N4BP1: variants seen among roughly 807,000 people sequenced by gnomAD.
The protein encoded by N4BP1 is NEDD4 binding protein 1.
In N4BP1, 21 loss-of-function variants were observed where a neutral mutation model predicts 70.9. That is an observed-to-expected ratio of 0.30 (90% CI 0.21 to 0.43). N4BP1 has a LOEUF of 0.43. N4BP1 is among the 20% of genes least tolerant of loss of function. The pLI is 1.00. For missense variants in N4BP1, 936 were observed against 1,069.4 expected (o/e 0.88, Z 1.74); for synonymous variants, 387 against 394.6 (o/e 0.98, Z 0.23).
intron 1 of N4BP1, among the ~76,000 whole-genome samples, chr16:48,608,031 T>G (rs1382938835): frequency 6.6e-6 from 1 of 152,152 alleles, no homozygotes; most frequent in Non-Finnish European, 1.5e-5. Flanking sequence ...CGGGCTAATT[T>G]TTTGTATTTT....
Position 48,609,761 on chromosome 16 carries a change from G to T in N4BP1, c.198+14C>A. The T allele has an allele frequency of 7.4e-7, 1 of 1,342,332 alleles. No homozygotes were observed. The highest frequency in any genetic ancestry group is 1.8e-5 in the South Asian group (1 of 56,298). 83.2% of individuals were successfully genotyped at this position (1,342,332 alleles called of 1,614,324 possible). On this transcript the variant is annotated intron_variant, in intron 1 of 6. Coordinates refer to ENST00000262384, the MANE Select transcript of N4BP1 (RefSeq NM_153029.4). ...TCGAGGCCGCGGGCGCGCGGGGGCGGCGGCCGGACTCACCTTGGCGCTGTG... is the reference window on the plus strand; with the variant it reads ...TCGAGGCCGCGGGCGCGCGGGGGCGTCGGCCGGACTCACCTTGGCGCTGTG...
intron 5 of N4BP1, chr16:48,546,496 C>T (rs1963593863): frequency 2.9e-6 from 1 of 349,554 alleles, no homozygotes. Context: ...CTCATTAAGA[C>T]TTGCAGATTT....
In N4BP1 at chr16:48,561,837, A is replaced by T; in HGVS notation, c.806T>A (p.Leu269Gln). Residue 269 changes from leucine (L) to glutamine (Q), a missense_variant, in exon 2 of 7, where the codon CTA becomes CAA. Coordinates refer to ENST00000262384, the MANE Select transcript of N4BP1 (RefSeq NM_153029.4). The part of the protein sequence containing the change: ...PDVLFDPING[L>Q]TPDEEALSNE... ...GGAAAGTGCCTCTTCATCTGGGGTT[A>T]GACCATTTATTGGATCAAAAAGCAC... 6.2e-7 allele frequency: 1 copy of T among 1,613,878 alleles called. No homozygotes were observed. The highest frequency in any genetic ancestry group is 1.1e-5 in the South Asian group (1 of 91,078).
At chr16:48,587,646 T>C (rs1450775863) in intron 1 of N4BP1, among the ~76,000 whole-genome samples, 4 of 152,190 alleles carry the variant, frequency 2.6e-5, no homozygotes, top group Non-Finnish European at 4.4e-5. Context: ...CATTAAGAAT[T>C]TGGCCCCCTT....
At chr16:48,592,642 T>G (rs1964355120) in intron 1 of N4BP1, among the ~76,000 whole-genome samples, 1 of 152,258 alleles carries the variant, frequency 6.6e-6, no homozygotes, top group Non-Finnish European at 1.5e-5. Flanking sequence ...ACTAATGAGC[T>G]AGTTTAGTTC....
chr16:48,594,923 G>T (rs1964388619), intron 1 of N4BP1, among the ~76,000 whole-genome samples: 1 of 152,066 alleles, frequency 6.6e-6, no homozygotes, highest in Admixed American at 6.5e-5. Flanking sequence ...CAACTGTCTT[G>T]TTTTGATCCT....
At chr16:48,544,735 G>C (rs1306162451) in intron 6 of N4BP1, among the ~76,000 whole-genome samples, 1 of 152,154 alleles carries the variant, frequency 6.6e-6, no homozygotes, top group Non-Finnish European at 1.5e-5. Flanking sequence ...AGTGAAGGTA[G>C]AAAGTAATGG....
chr16:48,560,449 G>A (rs1963837041), intron 2 of N4BP1: 1 of 233,492 alleles, frequency 4.3e-6, no homozygotes, highest in African/African-American at 2.3e-5. Context: ...ACAATATTAA[G>A]AATTTAATGA....
chr16:48,579,203 T>C (rs1964142208), intron 1 of N4BP1, among the ~76,000 whole-genome samples: 2 of 152,284 alleles, frequency 1.3e-5, no homozygotes, highest in Admixed American at 6.5e-5. Flanking sequence ...AACAAGAACA[T>C]GTCAGAACAG....
In N4BP1 at chr16:48,551,463, C is replaced by G. The variant is rs1463402058; in HGVS notation, c.2040G>C (p.Gln680His). 1 of 1,613,232 alleles carries G rather than the reference C, an allele frequency of 6.2e-7. No individual in the cohort carries two copies. The highest frequency in any genetic ancestry group is 2.2e-5 in the East Asian group (1 of 44,878). Reference protein sequence around the residue: ...PNVTEQHFLTQLQELGILSLT... With the variant: ...PNVTEQHFLTHLQELGILSLT... ...AAGATAATATTCCGAGCTCCTGGAG[C>G]TGGGTTAAGAAGTGCTGTTCTGTTC... The change falls in exon 4 of 7, where the codon CAG becomes CAC. Residue 680 changes from glutamine (Q) to histidine (H), a missense_variant. Around this residue, in one of 4 missense-constraint regions of N4BP1, gnomAD observed 229 missense variants for 343.5 expected, o/e 0.67. Coordinates refer to ENST00000262384, the MANE Select transcript of N4BP1 (RefSeq NM_153029.4).
At chr16:48,604,414 A>G (rs942017696) in intron 1 of N4BP1, among the ~76,000 whole-genome samples, 2 of 152,104 alleles carry the variant, frequency 1.3e-5, no homozygotes, top group Non-Finnish European at 2.9e-5. Context: ...CACCATGGGC[A>G]TGGTGGCACA....
intron 1 of N4BP1, among the ~76,000 whole-genome samples, chr16:48,589,971 C>G (rs989473535): frequency 2.0e-5 from 3 of 152,158 alleles, no homozygotes; most frequent in Non-Finnish European, 4.4e-5. Context: ...CCCCTTCTTG[C>G]TTGGGGACCA....
chr16:48,560,103 G>GAA (rs35489334), intron 2 of N4BP1, among the ~76,000 whole-genome samples: 3 of 151,608 alleles, frequency 2.0e-5, no homozygotes, highest in African/African-American at 4.8e-5. Flanking sequence ...CTGCCCCTTA[G>GAA]AAAAAAAACC....
Position 48,542,361 on chromosome 16 carries a change from C to T in N4BP1, c.*543G>A, listed in dbSNP as rs1963514086. The T allele has an allele frequency of 6.5e-6, 1 of 152,726 alleles. No individual in the cohort carries two copies. The highest frequency in any genetic ancestry group is 6.5e-5 in the Admixed American group (1 of 15,288). 9.5% of individuals were successfully genotyped at this position (152,726 alleles called of 1,614,324 possible). A position where few individuals can be genotyped will look rare whatever the true frequency, so the allele number is the denominator to read the frequency against. On this transcript the variant is annotated 3_prime_UTR_variant, in exon 7 of 7. Coordinates refer to ENST00000262384, the MANE Select transcript of N4BP1 (RefSeq NM_153029.4). ...TAGTGGCACCGCGGGTCCACTTTCA[C>T]AACACTCCAACCAAAGACTGCAGAA...
At chr16:48,570,742 T>G (rs185767074) in intron 1 of N4BP1, among the ~76,000 whole-genome samples, 177 of 152,300 alleles carry the variant, frequency 1.2e-3, no homozygotes, top group African/African-American at 4.1e-3. Flanking sequence ...TCTGCCCGGG[T>G]TTTACTGCTG....
intron 1 of N4BP1, among the ~76,000 whole-genome samples, chr16:48,596,051 CTA>C (rs1320930208): frequency 6.6e-6 from 1 of 152,166 alleles, no homozygotes; most frequent in Non-Finnish European, 1.5e-5. Flanking sequence ...TTGCTGTGCT[CTA>C]TGGAAGAAAT....
intron 5 of N4BP1, among the ~76,000 whole-genome samples, chr16:48,547,577 TGAA>T (rs148013032): frequency 1.0e-3 from 153 of 152,358 alleles, no homozygotes; most frequent in African/African-American, 3.5e-3. Context: ...CTCCAGACCA[TGAA>T]GAAGTGAAAG....
intron 1 of N4BP1, among the ~76,000 whole-genome samples, chr16:48,609,387 G>A (rs1025800806): frequency 3.9e-5 from 6 of 152,216 alleles, no homozygotes; most frequent in African/African-American, 1.2e-4. Flanking sequence ...GGTGGTGGAC[G>A]AGGCTGCGGG....
intron 1 of N4BP1, chr16:48,587,093 C>T (rs1015909451): frequency 2.0e-5 from 3 of 152,218 alleles, no homozygotes; most frequent in Non-Finnish European, 4.4e-5. Flanking sequence ...CAAGTGGTTT[C>T]TTCTTTCCTC....
Sources: gnomAD v4.1 joint callset for allele counts (sites outside exome capture counted in the v4.1 genomes callset) on GRCh38, gnomAD v4.1.1 for gene constraint, gnomAD v4.1.1 regional missense constraint, MANE v1.5 for transcripts, NCBI Gene and HGNC (gene_info 2026-07-23, HGNC 2026-07-21) for gene names.